GLB1L2: variants seen among roughly 807,000 people sequenced by gnomAD.
GLB1L2 encodes the protein beta-galactosidase-1-like protein 2.
In GLB1L2, 68 loss-of-function variants were observed where a neutral mutation model predicts 84.1. The ratio of observed to expected loss-of-function variants is 0.81; its 90% CI spans 0.67 to 0.99. The LOEUF (loss-of-function observed/expected upper bound fraction) is 0.99, where lower values mean the gene tolerates loss of function less well. GLB1L2 is among the 50% of genes least tolerant of loss of function. The pLI is 0.00. For missense variants in GLB1L2, 762 were observed against 805.6 expected (o/e 0.95, Z 0.66); for synonymous variants, 290 against 318.0 (o/e 0.91, Z 0.94).
At chr11:134,371,859 GTGGCCA>G (rs1943958012) in intron 15 of GLB1L2, 29 bp downstream of exon 15, 1 of 1,603,914 alleles carries the variant, frequency 6.2e-7, no homozygotes, top group East Asian at 2.2e-5. Flanking sequence ...CAAAAGAAGA[GTGGCCA>G]TGCTGGACAC....
At chr11:134,337,826 T>G (rs1943408980) in intron 1 of GLB1L2, among the ~76,000 whole-genome samples, 1 of 152,142 alleles carries the variant, frequency 6.6e-6, no homozygotes, top group African/African-American at 2.4e-5. Context: ...AGGATCTTCA[T>G]GGGATGCCCT....
chr11:134,356,139 A>G (rs1943698352), intron 5 of GLB1L2, 162 bp from the exon 6 acceptor site: 2 of 735,732 alleles, frequency 2.7e-6, no homozygotes, highest in African/African-American at 1.7e-5. Context: ...TCATGGGAGA[A>G]CAAGGGCCTA....
chr11:134,342,052 G>A (rs1401383014), intron 1 of GLB1L2, among the ~76,000 whole-genome samples: 1 of 152,086 alleles, frequency 6.6e-6, no homozygotes, highest in Non-Finnish European at 1.5e-5. Flanking sequence ...GGTCTCCCCA[G>A]CTTCTCGCAC....
In GLB1L2 at chr11:134,344,417, A is replaced by G. The variant is rs749602618; in HGVS notation, c.315A>G (p.Glu105=). The part of the protein sequence containing the change: ...TYVPWNLHEP[E]RGKFDFSGNL... ...TTCCGTGGAACCTGCATGAGCCAGAAAGAGGCAAATTTGACTTCTCTGGGA... is the reference window on the plus strand; with the variant it reads ...TTCCGTGGAACCTGCATGAGCCAGAGAGAGGCAAATTTGACTTCTCTGGGA... The change falls in exon 3 of 19, where the codon GAA becomes GAG. Residue 105 remains glutamate, a synonymous_variant. Transcript: ENST00000535456. The G allele has an allele frequency of 2.5e-6, 4 of 1,613,352 alleles. No individual in the cohort carries two copies. In the African/African-American group the frequency reaches 5.3e-5, roughly 22 times the overall value.
In GLB1L2 at chr11:134,365,361, T is replaced by A. The variant is rs113570344; in HGVS notation, c.804+963T>A. ...GCGCGATCCAGCTGGGTCTCTGCCT[T>A]CCTTTCTTGGCATTTCCTGAGTGCC... On this transcript the variant is annotated intron_variant, in intron 8 of 18. Coordinates refer to ENST00000535456, the MANE Select transcript of GLB1L2 (RefSeq NM_001370461.1). 6.8e-4 allele frequency among the ~76,000 whole-genome samples: 103 copies of A among 152,298 alleles called. 1 individual carries two copies. Among genetic ancestry groups the A allele is most frequent in the African/African-American group, 2.2e-3 (92 of 41,566 alleles).
intron 4 of GLB1L2, among the ~76,000 whole-genome samples, chr11:134,345,331 T>C (rs575061592): frequency 3.9e-5 from 6 of 152,366 alleles, no homozygotes; most frequent in African/African-American, 1.4e-4. Flanking sequence ...CACGTAGCCA[T>C]GCATGGGCTG....
chr11:134,368,583 AC>A, intron 9 of GLB1L2, 60 bp from the exon 10 acceptor site: 1 of 1,586,688 alleles, frequency 6.3e-7, no homozygotes, highest in Non-Finnish European at 8.6e-7. Flanking sequence ...TAGTGAAGGG[AC>A]CCCGGCTCAT....
rs544313782 is a variant in GLB1L2, at chr11:134,347,380, G to A, written c.505G>A (p.Glu169Lys). The stretch of plus-strand genomic sequence containing the variant: ...GAGGACAACTTACAAGGGCTTCACC[G>A]AAGCAGTGGACCTTTATTTTGACCA... ...RLRTTYKGFT[E>K]AVDLYFDHLM... Residue 169 changes from glutamate (E) to lysine (K), a missense_variant, in exon 5 of 19, where the codon GAA becomes AAA. By Grantham distance (56) the Glu-to-Lys change is moderately conservative (BLOSUM62 1). This residue lies in a region of GLB1L2 where 603 missense variants were observed against 611.7 expected (regional missense o/e 0.99). Coordinates refer to ENST00000535456, the MANE Select transcript of GLB1L2 (RefSeq NM_001370461.1). The A allele has an allele frequency of 2.8e-5, 45 of 1,614,160 alleles. No homozygotes were observed. Among genetic ancestry groups the A allele is most frequent in the Admixed American group, 6.7e-5 (4 of 60,022 alleles).
At chr11:134,357,313 A>C (rs896655508) in intron 6 of GLB1L2, among the ~76,000 whole-genome samples, 1 of 152,242 alleles carries the variant, frequency 6.6e-6, no homozygotes, top group Admixed American at 6.5e-5. Flanking sequence ...AGTCCCTTCA[A>C]CTTGTGGGTT....
rs1944011382 is a variant in GLB1L2, at chr11:134,375,309, G to T, written c.*251G>T. On this transcript the variant is annotated 3_prime_UTR_variant, in exon 19 of 19. Coordinates refer to ENST00000535456, the MANE Select transcript of GLB1L2 (RefSeq NM_001370461.1). ...CCCTGCTCTTGTGCCGAGGCTGTCGGGCTGTCTCTAGGGTGGGAGCAGCTA... is the reference window on the plus strand; with the variant it reads ...CCCTGCTCTTGTGCCGAGGCTGTCGTGCTGTCTCTAGGGTGGGAGCAGCTA... The T allele has an allele frequency of 4.2e-6, 2 of 473,302 alleles. No individual in the cohort carries two copies. Among genetic ancestry groups the T allele is most frequent in the Admixed American group, 7.8e-5 (2 of 25,744 alleles). The allele number at this position is 473,302 out of a possible 1,614,324, so 29.3% of individuals were successfully genotyped here. A position where few individuals can be genotyped will look rare whatever the true frequency, so the allele number is the denominator to read the frequency against.
intron 18 of GLB1L2, 68 bp downstream of exon 18, chr11:134,374,786 G>T: frequency 7.3e-7 from 1 of 1,363,368 alleles, no homozygotes. Flanking sequence ...GGGAGCCTTC[G>T]GTCAGGGTGG....
rs1169069964 is a variant in GLB1L2, at chr11:134,371,051, T to C, written c.1259T>C (p.Val420Ala). 3 of 1,614,072 alleles carry C rather than the reference T, an allele frequency of 1.9e-6. No homozygotes were observed. Among genetic ancestry groups the C allele is most frequent in the African/African-American group, 1.3e-5 (1 of 75,000 alleles). Residue 420 changes from valine (V) to alanine (A), a missense_variant, in exon 13 of 19, where the codon GTC becomes GCC. Transcript: ENST00000535456. ...EKPINMENLP[V>A]NGGNGQSFGY... The stretch of plus-strand genomic sequence containing the variant: ...CCCATCAACATGGAGAACCTGCCAG[T>C]CAATGGGGGAAATGGACAGTCCTTC...
chr11:134,364,006 T>C (rs1468257138), intron 7 of GLB1L2, among the ~76,000 whole-genome samples: 1 of 152,174 alleles, frequency 6.6e-6, no homozygotes, highest in Non-Finnish European at 1.5e-5. Flanking sequence ...GCCTCCCAAG[T>C]AGTTGGGATT....
In GLB1L2 at chr11:134,374,586, T is replaced by G. The variant is rs1015856551; in HGVS notation, c.1708-16T>G. The G allele has an allele frequency of 3.8e-6, 6 of 1,593,742 alleles. No homozygotes were observed. The African/African-American group carries it at 8.1e-5, about 21-fold the overall frequency. The stretch of plus-strand genomic sequence containing the variant: ...GGCTCTCGTGGTAGATGAACACCCT[T>G]CCCCTCTGTTTCAAGGGCTGGGAGA... On this transcript the variant is annotated splice_polypyrimidine_tract_variant and intron_variant, in intron 17 of 18. Transcript: ENST00000535456.
intron 4 of GLB1L2, 31 bp from the exon 5 acceptor site, chr11:134,347,294 C>T (rs1001723391): frequency 2.6e-6 from 4 of 1,541,568 alleles, no homozygotes; most frequent in Non-Finnish European, 3.6e-6. Flanking sequence ...GTGACACTAA[C>T]ATCCTTCCTT....
chr11:134,371,376 C>T, intron 13 of GLB1L2, 45 bp from the exon 14 acceptor site: 2 of 1,304,128 alleles, frequency 1.5e-6, no homozygotes, highest in Non-Finnish European at 2.2e-6. Flanking sequence ...CCCGCTTACC[C>T]TCCTCCTGTT....
Position 134,334,848 on chromosome 11 carries a change from C to T in GLB1L2, c.86+2701C>T, listed in dbSNP as rs2136253372. On this transcript the variant is annotated intron_variant, in intron 1 of 18. Coordinates refer to ENST00000535456, the MANE Select transcript of GLB1L2 (RefSeq NM_001370461.1). The surrounding 1 kb of genome is among the most constrained non-coding windows in gnomAD (Gnocchi z 4.1). Reference sequence around the variant, plus strand: ...TATCAGTGCGAACCGTGCCTTTGAGCCAGTTGCCTTTCATTCTCTTCCTAT... The same window carrying T: ...TATCAGTGCGAACCGTGCCTTTGAGTCAGTTGCCTTTCATTCTCTTCCTAT... Among the ~76,000 whole-genome samples, 1 of 152,278 alleles carries T rather than the reference C, an allele frequency of 6.6e-6. No individual in the cohort carries two copies. Among genetic ancestry groups the T allele is most frequent in the South Asian group, 2.1e-4 (1 of 4,824 alleles).
intron 9 of GLB1L2, among the ~76,000 whole-genome samples, chr11:134,367,893 T>G (rs980577405): frequency 2.6e-5 from 4 of 152,234 alleles, no homozygotes; most frequent in Non-Finnish European, 4.4e-5. Context: ...GTGGTTCTGT[T>G]AAGCGCACGC....
rs1487802050 is a variant in GLB1L2, at chr11:134,338,022, T to C, written c.87-4732T>C. ...GTTCTGGGAATCGAAGGACAATGAT[T>C]GCAGTTCCTGACTCAGATACCAGCT... On this transcript the variant is annotated intron_variant, in intron 1 of 18. Transcript: ENST00000535456. The surrounding 1 kb of genome is among the most constrained non-coding windows in gnomAD (Gnocchi z 6.2). 6.6e-6 allele frequency among the ~76,000 whole-genome samples: 1 copy of C among 152,216 alleles called. No homozygotes were observed. Among genetic ancestry groups the C allele is most frequent in the East Asian group, 1.9e-4 (1 of 5,198 alleles).
Sources: gnomAD v4.1 joint callset for allele counts (sites outside exome capture counted in the v4.1 genomes callset) on GRCh38, gnomAD v4.1.1 for gene constraint, gnomAD v4.1.1 regional missense constraint, Gnocchi (gnomAD v3.1) non-coding constraint, MANE v1.5 for transcripts, NCBI Gene and HGNC (gene_info 2026-07-23, HGNC 2026-07-21) for gene names.